TLR5: variants seen among roughly 807,000 people sequenced by gnomAD.
TLR5 encodes toll-like receptor 5.
For synonymous variants in TLR5, 373 were observed against 384.4 expected, an observed-to-expected ratio of 0.97 and a Z score of 0.35; for missense variants, 944 against 999.8, an observed-to-expected ratio of 0.94 and a Z score of 0.75.
chr1:223,141,650 G>A lies in TLR5; in HGVS notation c.-441C>T, dbSNP rs1043949537. The A allele has an allele frequency of 2.6e-5, 4 of 151,582 alleles. No individual in the cohort carries two copies. The highest frequency in any genetic ancestry group is 5.9e-5 in the Non-Finnish European group (4 of 67,930). The allele number at this position is 151,582 out of a possible 1,614,324, so 9.4% of individuals were successfully genotyped here. ...TAGACAGGCGTAGTGGTGGGTACCT[G>A]TAATCCCAGCTACTTGGGAGGCTGA... On this transcript the variant is annotated splice_region_variant and 5_prime_UTR_variant, in exon 2 of 6. Coordinates refer to ENST00000642603, the MANE Select transcript of TLR5 (RefSeq NM_003268.6).
In TLR5 at chr1:223,131,481, C is replaced by T. The variant is rs1657392815; in HGVS notation, c.-5+994G>A. ...CTCATCTGCTCATCCCATTCCAACTCCCCCGTCAAAGGCCACCTCAGAAGC... is the reference window on the plus strand; with the variant it reads ...CTCATCTGCTCATCCCATTCCAACTTCCCCGTCAAAGGCCACCTCAGAAGC... On this transcript the variant is annotated intron_variant, in intron 5 of 5. Coordinates refer to ENST00000642603, the MANE Select transcript of TLR5 (RefSeq NM_003268.6). The surrounding 1 kb of genome is among the most constrained non-coding windows in gnomAD (Gnocchi z 4.2). Among the ~76,000 whole-genome samples the T allele has an allele frequency of 6.6e-6, 1 of 152,224 alleles. No homozygotes were observed. Among genetic ancestry groups the T allele is most frequent in the African/African-American group, 2.4e-5 (1 of 41,446 alleles).
At position 223,112,917 on chromosome 1, in the gene TLR5, T is replaced by G; in HGVS notation, c.115A>C (p.Thr39Pro). Reference sequence around the variant, plus strand: ...GTGTTGAGGACCTGGGGGACCTGGGTGAGGTTGCAGAAACGATAAAAGGCT... The same window carrying G: ...GTGTTGAGGACCTGGGGGACCTGGGGGAGGTTGCAGAAACGATAAAAGGCT... ...RIAFYRFCNL[T>P]QVPQVLNTTE... The change falls in exon 6 of 6, where the codon ACC becomes CCC. Residue 39 changes from threonine to proline, a missense_variant. Coordinates refer to ENST00000642603, the MANE Select transcript of TLR5 (RefSeq NM_003268.6). The G allele has an allele frequency of 1.2e-6, 2 of 1,613,762 alleles. No individual in the cohort carries two copies. Among genetic ancestry groups the G allele is most frequent in the Non-Finnish European group, 1.7e-6 (2 of 1,179,950 alleles).
chr1:223,133,856 G>A (rs962882303), intron 4 of TLR5, among the ~76,000 whole-genome samples: 1 of 152,190 alleles, frequency 6.6e-6, no homozygotes, highest in African/African-American at 2.4e-5. Context: ...GGGCGCAAAA[G>A]GGGCAGGGAC....
At chr1:223,132,716 A>T (rs1190693156) in intron 4 of TLR5, 77 bp from the exon 5 acceptor site, 2 of 152,382 alleles carry the variant, frequency 1.3e-5, no homozygotes, top group Non-Finnish European at 2.9e-5. Flanking sequence ...GCCATACAGC[A>T]GTTTTCTTGT....
chr1:223,119,858 G>A (rs1474201582), intron 5 of TLR5, among the ~76,000 whole-genome samples: 1 of 150,558 alleles, frequency 6.6e-6, no homozygotes, highest in African/African-American at 2.5e-5. Flanking sequence ...GTTGAAGCAT[G>A]AGAATCACTT....
chr1:223,113,153 C>T (rs574505822), intron 5 of TLR5, 118 bp from the exon 6 acceptor site: 10 of 948,442 alleles, frequency 1.1e-5, no homozygotes, highest in Admixed American at 2.0e-5. Context: ...CCCCTTCATT[C>T]CTCTGACTCC....
intron 5 of TLR5, among the ~76,000 whole-genome samples, chr1:223,132,113 AGCACTTT>A (rs962404117): frequency 6.6e-6 from 1 of 152,106 alleles, no homozygotes; most frequent in African/African-American, 2.4e-5. Flanking sequence ...CTGTAATCCC[AGCACTTT>A]GGGAGGCCAA....
In TLR5 at chr1:223,110,575, A is replaced by C; in HGVS notation, c.2457T>G (p.Pro819=). ...ACCAGCCAACATCCTGGAGATCCTC[A>C]GGCCACCTCAAATACTGCTGTTTCT... ...FVQKQQYLRW[P]EDLQDVGWFL... is the part of the protein sequence containing the mutation. The change falls in exon 6 of 6, where the codon CCT becomes CCG. Residue 819 remains proline (P), a synonymous_variant. Transcript: ENST00000642603. 1 of 1,614,186 alleles carries C rather than the reference A, an allele frequency of 6.2e-7. No homozygotes were observed.
intron 5 of TLR5, among the ~76,000 whole-genome samples, chr1:223,130,983 C>T (rs527571108): frequency 5.0e-4 from 76 of 152,262 alleles, no homozygotes; most frequent in African/African-American, 1.8e-3. Flanking sequence ...CAGGATGCCT[C>T]CAGCATCCAT....
chr1:223,114,366 T>G (rs1656521074), intron 5 of TLR5, among the ~76,000 whole-genome samples: 1 of 152,192 alleles, frequency 6.6e-6, no homozygotes, highest in South Asian at 2.1e-4. Context: ...GTGCCTACTA[T>G]GCATTCCATT....
At chr1:223,117,321 C>G (rs1030660746) in intron 5 of TLR5, among the ~76,000 whole-genome samples, 3 of 151,982 alleles carry the variant, frequency 2.0e-5, no homozygotes, top group African/African-American at 7.2e-5. Flanking sequence ...GCCTCTCCCT[C>G]CACACCTCCC....
chr1:223,139,869 A>G (rs1375209396), intron 2 of TLR5, among the ~76,000 whole-genome samples: 2 of 152,206 alleles, frequency 1.3e-5, no homozygotes, highest in Non-Finnish European at 2.9e-5. Flanking sequence ...TTCTACTCCA[A>G]GTTGGTGGGG....
At position 223,111,876 on chromosome 1, in the gene TLR5, A is replaced by T. The variant is rs367738050; in HGVS notation, c.1156T>A (p.Leu386Ile). 4.3e-6 allele frequency: 7 copies of T among 1,613,754 alleles called. No homozygotes were observed. Among genetic ancestry groups the T allele is most frequent in the Non-Finnish European group, 5.1e-6 (6 of 1,179,916 alleles). ...QDQTFKFLEK[L>I]QTLDLRDNAL... ...TTGTCTCGGAGATCCAAGGTCTGTA[A>T]TTTTTCCAGGAATTTGAATGTTTGG... is the stretch of plus-strand genomic sequence containing the variant. The change falls in exon 6 of 6, where the codon TTA (leucine) becomes ATA (isoleucine). Residue 386 changes from leucine (L) to isoleucine (I), a missense_variant. Leu to Ile is a conservative substitution (Grantham distance 5). Transcript: ENST00000642603.
At chr1:223,125,260 C>T (rs78708830) in intron 5 of TLR5, among the ~76,000 whole-genome samples, 1 of 152,244 alleles carries the variant, frequency 6.6e-6, no homozygotes, top group East Asian at 1.9e-4. Flanking sequence ...ACTGACTACA[C>T]TCTAATTCAA....
rs1396714601 is a variant in TLR5 at position 223,114,848 on chromosome 1, G to C, written c.-4-1813C>G. On this transcript the variant is annotated intron_variant, in intron 5 of 5. Transcript: ENST00000642603. ...AGAGTCTCAGGGTGACAACACAGCA[G>C]AGTCTTTTAAACATCATTCTTTTAA... is the stretch of plus-strand genomic sequence containing the variant. 3.9e-5 allele frequency among the ~76,000 whole-genome samples: 6 copies of C among 152,292 alleles called. No homozygotes were observed. In the South Asian group the frequency reaches 1.0e-3, roughly 26 times the overall value.
At chr1:223,138,472 T>C (rs1223165027) in intron 2 of TLR5, among the ~76,000 whole-genome samples, 1 of 152,156 alleles carries the variant, frequency 6.6e-6, no homozygotes, top group African/African-American at 2.4e-5. Flanking sequence ...GTTCTCTGCT[T>C]CAGGCTTCTT....
intron 5 of TLR5, among the ~76,000 whole-genome samples, chr1:223,120,762 T>C (rs75192346): frequency 0.022 from 3,389 of 152,308 alleles, 115 homozygotes; most frequent in African/African-American, 0.074. Flanking sequence ...TTAGTCCTCA[T>C]TTCAAAATGT....
At chr1:223,126,420 G>T (rs1386468562) in intron 5 of TLR5, among the ~76,000 whole-genome samples, 1 of 152,176 alleles carries the variant, frequency 6.6e-6, no homozygotes, top group Non-Finnish European at 1.5e-5. Context: ...GAGACAAACA[G>T]TAGTGAATGT....
rs185294313 is a variant in TLR5, at chr1:223,116,454, G to T, written c.-4-3419C>A. Among the ~76,000 whole-genome samples, 32 of 152,232 alleles carry T rather than the reference G, an allele frequency of 2.1e-4. No individual in the cohort carries two copies. The East Asian group carries it at 5.8e-3, about 28-fold the overall frequency. ...TTCCTCCCTGTGGGTTCATGGTCTT[G>T]CTGGCCTCAGGAATTAAGCTGCAGA... On this transcript the variant is annotated intron_variant, in intron 5 of 5. Transcript: ENST00000642603.
Sources: gnomAD v4.1 joint callset for allele counts (sites outside exome capture counted in the v4.1 genomes callset) on GRCh38, gnomAD v4.1.1 for gene constraint, Gnocchi (gnomAD v3.1) non-coding constraint, MANE v1.5 for transcripts, NCBI Gene and HGNC (gene_info 2026-07-23, HGNC 2026-07-21) for gene names.